CTIF: variants seen among roughly 807,000 people sequenced by gnomAD.
CTIF encodes CBP80/20-dependent translation initiation factor.
CTIF carries 21 observed loss-of-function variants against 66.0 expected under a neutral mutation model. The ratio of observed to expected loss-of-function variants is 0.32; its 90% CI spans 0.23 to 0.46. CTIF has a LOEUF of 0.46. Among genes scored for constraint, CTIF ranks in the 20% least tolerant of loss-of-function variants. CTIF has a pLI of 1.00. For synonymous variants in CTIF, 345 were observed against 326.4 expected, an observed-to-expected ratio of 1.06 and a Z score of -0.62; for missense variants, 739 against 812.7, an observed-to-expected ratio of 0.91 and a Z score of 1.10.
chr18:48,833,971 A>AT (rs2068751126), intron 10 of CTIF, among the ~76,000 whole-genome samples: 1 of 151,790 alleles, frequency 6.6e-6, no homozygotes, highest in Non-Finnish European at 1.5e-5. Context: ...CTGACAGCTC[A>AT]TTTTTTCCCC....
chr18:48,685,286 G>A (rs1452971755), intron 6 of CTIF, among the ~76,000 whole-genome samples: 4 of 151,726 alleles, frequency 2.6e-5, no homozygotes, highest in Non-Finnish European at 4.4e-5. Context: ...GCAATGGTGC[G>A]ACCTCGGCTC....
chr18:48,643,180 T>C (rs1042324327), intron 3 of CTIF, among the ~76,000 whole-genome samples: 9 of 152,244 alleles, frequency 5.9e-5, no homozygotes, highest in Admixed American at 2.6e-4. Context: ...AGGGTAACGC[T>C]TAGCTCTCTG....
At chr18:48,608,251 C>T (rs10438919) in intron 1 of CTIF, among the ~76,000 whole-genome samples, 17,270 of 152,118 alleles carry the variant, frequency 0.11, 1,572 homozygotes, top group African/African-American at 0.26. Flanking sequence ...ATGGTTACAG[C>T]GCAAGAAGGT....
chr18:48,619,615 G>A lies in CTIF; in HGVS notation c.50G>A (p.Arg17His), dbSNP rs199996585. ...ASASSEAGSS[R>H]SQEIEELERF... ...GCCTCCTCGGAGGCAGGGAGCAGCCGCTCCCAGGAGATCGAGGAGCTGGAG... is the reference window on the plus strand; with the variant it reads ...GCCTCCTCGGAGGCAGGGAGCAGCCACTCCCAGGAGATCGAGGAGCTGGAG... Residue 17 changes from arginine (R) to histidine (H), a missense_variant, in exon 2 of 12, where the codon CGC becomes CAC. Physicochemically the swap from Arg to His is conservative, Grantham distance 29. Transcript: ENST00000256413. 15 of 1,604,182 alleles carry A rather than the reference G, an allele frequency of 9.4e-6. No homozygotes were observed. The highest frequency in any genetic ancestry group is 4.5e-5 in the East Asian group (2 of 44,460).
intron 7 of CTIF, among the ~76,000 whole-genome samples, chr18:48,757,403 A>T (rs1908490409): frequency 6.6e-6 from 1 of 152,326 alleles, no homozygotes; most frequent in African/African-American, 2.4e-5. Flanking sequence ...AAAAAAAAAA[A>T]AGTTGTTTGA....
chr18:48,743,987 C>A (rs987963291), intron 7 of CTIF, among the ~76,000 whole-genome samples: 10 of 152,042 alleles, frequency 6.6e-5, no homozygotes, highest in Non-Finnish European at 1.3e-4. Flanking sequence ...CCTTATAGGC[C>A]CACCCCTGAG....
Position 48,742,254 on chromosome 18 carries a change from G to T in CTIF, c.585-15665G>T, listed in dbSNP as rs76434930. ...GATGTGTTGAGGCAAAGATGAGTGG[G>T]GTGGGAGTTCCTGCAGGGGAATGGC... On this transcript the variant is annotated intron_variant, in intron 7 of 11. Transcript: ENST00000256413. Among the ~76,000 whole-genome samples, 13 of 152,342 alleles carry T rather than the reference G, an allele frequency of 8.5e-5. No homozygotes were observed. In the East Asian group the frequency reaches 2.5e-3, roughly 29 times the overall value.
chr18:48,638,721 G>T lies in CTIF; in HGVS notation c.252+2036G>T, dbSNP rs77374941. On this transcript the variant is annotated intron_variant, in intron 3 of 11. Transcript: ENST00000256413. ...AAGAAGCAGCTGAGCAGTTGACTCG[G>T]GGTACGCAGTGTTTGACAAAACGAA... 5.1e-3 allele frequency among the ~76,000 whole-genome samples: 777 copies of T among 152,372 alleles called. 5 individuals are homozygous for T. Among genetic ancestry groups the T allele is most frequent in the Middle Eastern group, 0.034 (10 of 294 alleles).
At chr18:48,699,693 C>T (rs1432939237) in intron 6 of CTIF, among the ~76,000 whole-genome samples, 1 of 152,230 alleles carries the variant, frequency 6.6e-6, no homozygotes, top group Non-Finnish European at 1.5e-5. Flanking sequence ...GCGGGGCATT[C>T]TTGAGCTGGG....
intron 1 of CTIF, among the ~76,000 whole-genome samples, chr18:48,576,908 T>G (rs1482334976): frequency 1.3e-5 from 2 of 152,266 alleles, no homozygotes; most frequent in African/African-American, 4.8e-5. Context: ...AAATTGTTAA[T>G]TATTCTTAAA....
intron 9 of CTIF, among the ~76,000 whole-genome samples, chr18:48,780,126 C>G (rs142544109): frequency 6.6e-6 from 1 of 151,924 alleles, no homozygotes; most frequent in African/African-American, 2.4e-5. Flanking sequence ...CCTTACAGAT[C>G]ACTAAGTGTA....
intron 9 of CTIF, among the ~76,000 whole-genome samples, chr18:48,772,148 G>A (rs1326626026): frequency 1.3e-5 from 2 of 152,168 alleles, no homozygotes; most frequent in Admixed American, 6.5e-5. Flanking sequence ...CCTGTGCATG[G>A]CGCCAAGGTG....
At chr18:48,655,544 T>G (rs1208948349) in intron 3 of CTIF, among the ~76,000 whole-genome samples, 1 of 152,042 alleles carries the variant, frequency 6.6e-6, no homozygotes. Context: ...CTGAGAAGGG[T>G]GTGGACTGGG....
At chr18:48,655,753 C>T (rs530297512) in intron 3 of CTIF, among the ~76,000 whole-genome samples, 2 of 152,158 alleles carry the variant, frequency 1.3e-5, no homozygotes, top group Non-Finnish European at 2.9e-5. Context: ...GAAATCCACA[C>T]CAGCCTGCCC....
intron 1 of CTIF, among the ~76,000 whole-genome samples, chr18:48,570,411 C>T (rs1234652957): frequency 2.6e-5 from 4 of 152,236 alleles, no homozygotes; most frequent in African/African-American, 9.6e-5. Flanking sequence ...ATGCCAGGAA[C>T]TGTGCTATAT....
intron 3 of CTIF, among the ~76,000 whole-genome samples, chr18:48,658,603 A>G (rs12963372): frequency 0.098 from 14,903 of 151,868 alleles, 801 homozygotes; most frequent in Middle Eastern, 0.14. Flanking sequence ...ATGTGTGTGT[A>G]TGTATGTGTG....
chr18:48,670,651 C>G lies in CTIF; in HGVS notation c.432-18C>G. On this transcript the variant is annotated intron_variant, in intron 5 of 11. Coordinates refer to ENST00000256413, the MANE Select transcript of CTIF (RefSeq NM_014772.3). ...AATGAGCCATCTTTCCAATGCCTTTCTGTCTTTTCTGGTCCAGGTGTGGCA... is the reference window on the plus strand; with the variant it reads ...AATGAGCCATCTTTCCAATGCCTTTGTGTCTTTTCTGGTCCAGGTGTGGCA... 6.2e-7 allele frequency: 1 copy of G among 1,612,430 alleles called. No individual in the cohort carries two copies. The highest frequency in any genetic ancestry group is 8.5e-7 in the Non-Finnish European group (1 of 1,178,498).
chr18:48,772,717 T>G (rs1910288193), intron 9 of CTIF, among the ~76,000 whole-genome samples: 1 of 152,262 alleles, frequency 6.6e-6, no homozygotes, highest in Non-Finnish European at 1.5e-5. Context: ...TACCACATTT[T>G]GTTTATCCAT....
intron 9 of CTIF, among the ~76,000 whole-genome samples, chr18:48,785,142 CTTCT>C (rs1379661195): frequency 2.6e-5 from 4 of 152,112 alleles, no homozygotes; most frequent in East Asian, 1.9e-4. Context: ...TCCTTCCTTC[CTTCT>C]TTCTTTCCTT....
Sources: gnomAD v4.1 joint callset for allele counts (sites outside exome capture counted in the v4.1 genomes callset) on GRCh38, gnomAD v4.1.1 for gene constraint, MANE v1.5 for transcripts, NCBI Gene and HGNC (gene_info 2026-07-23, HGNC 2026-07-21) for gene names.